The following LMNTD1 variants were observed in gnomAD, a reference collection of about 807,000 sequenced individuals.
LMNTD1 encodes lamin tail domain-containing protein 1.
A neutral mutation model predicts 50.9 loss-of-function variants in LMNTD1; 35 were observed. The observed-to-expected ratio is 0.69, with a 90% CI of 0.53 to 0.91. The LOEUF is 0.91. Ranked by LOEUF, LMNTD1 falls within the 40% of genes least tolerant of loss-of-function variation. The pLI is 0.00. For synonymous variants in LMNTD1, 153 were observed against 161.9 expected (o/e 0.94, Z 0.42); for missense variants, 470 against 475.5 (o/e 0.99, Z 0.11).
At chr12:25,537,416 C>G (rs963703833) in intron 4 of LMNTD1, among the ~76,000 whole-genome samples, 2 of 152,242 alleles carry the variant, frequency 1.3e-5, no homozygotes, top group Non-Finnish European at 2.9e-5. Context: ...TCCCTGACCC[C>G]TGACCCCCAA....
At chr12:25,526,555 A>G (rs767974800) in intron 5 of LMNTD1, among the ~76,000 whole-genome samples, 18 of 152,210 alleles carry the variant, frequency 1.2e-4, no homozygotes, top group African/African-American at 3.1e-4. Flanking sequence ...TATTGTACAC[A>G]AAATTGAAGA....
chr12:25,523,770 TA>T, intron 6 of LMNTD1, among the ~76,000 whole-genome samples: 1 of 146,898 alleles, frequency 6.8e-6, no homozygotes, highest in East Asian at 2.0e-4. Flanking sequence ...AAATAATGCA[TA>T]TGGCTTTACC....
At chr12:25,499,155 T>C (rs1263193934) in intron 9 of LMNTD1, among the ~76,000 whole-genome samples, 1 of 152,180 alleles carries the variant, frequency 6.6e-6, no homozygotes. Context: ...CACTGCAGAC[T>C]TAACCTCCTG....
chr12:25,645,191 C>T (rs1410967298), intron 1 of LMNTD1, among the ~76,000 whole-genome samples: 5 of 152,132 alleles, frequency 3.3e-5, no homozygotes. Context: ...GAGTTGGAGT[C>T]TAGCCAGGTA....
intron 1 of LMNTD1, among the ~76,000 whole-genome samples, chr12:25,591,261 C>T (rs546275338): frequency 6.6e-6 from 1 of 152,100 alleles, no homozygotes; most frequent in Non-Finnish European, 1.5e-5. Context: ...TTCTGAGCCA[C>T]CTGGGAGTGG....
rs941354525 is a variant in LMNTD1 at position 25,590,615 on chromosome 12, C to T, written c.59-44061G>A. On this transcript the variant is annotated intron_variant, in intron 1 of 7. Transcript: ENST00000445693. ...TCAACCCTTCCTTAGCCCCAGGCTG[C>T]ATAGCTTGTGGCTTAAAAACAGACC... Among the ~76,000 whole-genome samples, 3 of 152,284 alleles carry T rather than the reference C, an allele frequency of 2.0e-5. No individual in the cohort carries two copies. The East Asian group carries it at 5.8e-4, about 29-fold the overall frequency.
chr12:25,521,770 T>C (rs1190669740), intron 6 of LMNTD1, among the ~76,000 whole-genome samples: 1 of 152,060 alleles, frequency 6.6e-6, no homozygotes, highest in Non-Finnish European at 1.5e-5. Context: ...GATGGGAAAA[T>C]GGACAGTAGA....
intron 1 of LMNTD1, among the ~76,000 whole-genome samples, chr12:25,579,391 T>C (rs1399130036): frequency 1.3e-5 from 2 of 152,140 alleles, no homozygotes; most frequent in African/African-American, 4.8e-5. Flanking sequence ...GTGGTATGTG[T>C]AGGTTATATG....
chr12:25,479,358 T>C (rs1457031310), intron 9 of LMNTD1, among the ~76,000 whole-genome samples: 1 of 152,196 alleles, frequency 6.6e-6, no homozygotes, highest in African/African-American at 2.4e-5. Context: ...TACCCCTTGA[T>C]TCCTAGCCCT....
intron 4 of LMNTD1, among the ~76,000 whole-genome samples, chr12:25,531,620 G>A (rs1320345090): frequency 6.6e-6 from 1 of 151,610 alleles, no homozygotes; most frequent in Non-Finnish European, 1.5e-5. Context: ...TTTGTTTGCT[G>A]GCTTGTTTTC....
chr12:25,607,730 G>T (rs986709837), intron 1 of LMNTD1, among the ~76,000 whole-genome samples: 6 of 152,056 alleles, frequency 3.9e-5, no homozygotes, highest in Admixed American at 3.9e-4. Context: ...CTTTTACATT[G>T]GCTGAAGAGT....
At chr12:25,594,343 C>T (rs1945786790) in intron 1 of LMNTD1, among the ~76,000 whole-genome samples, 1 of 152,064 alleles carries the variant, frequency 6.6e-6, no homozygotes, top group Non-Finnish European at 1.5e-5. Flanking sequence ...AAGGACAACC[C>T]ATCCAATTAA....
At chr12:25,589,003 T>C (rs1230536610) in intron 1 of LMNTD1, among the ~76,000 whole-genome samples, 1 of 152,170 alleles carries the variant, frequency 6.6e-6, no homozygotes, top group Non-Finnish European at 1.5e-5. Context: ...AGTAAGGGTA[T>C]AGAGGAACAG....
In LMNTD1 at chr12:25,532,618, G is replaced by A. The variant is rs182848924; in HGVS notation, c.492-5663C>T. On this transcript the variant is annotated intron_variant, in intron 4 of 9. Transcript: ENST00000458174. ...TGGGTGTAACCTTCTATGAAATCTC[G>A]TGATATACATTATCAAATTCCCTTC... Among the ~76,000 whole-genome samples, 485 of 152,218 alleles carry A rather than the reference G, an allele frequency of 3.2e-3. 5 individuals carry two copies. The highest frequency in any genetic ancestry group is 0.011 in the African/African-American group (468 of 41,528).
chr12:25,499,203 C>T (rs548250859), intron 9 of LMNTD1, among the ~76,000 whole-genome samples: 10 of 152,242 alleles, frequency 6.6e-5, no homozygotes, highest in African/African-American at 2.4e-4. Flanking sequence ...TCTCAAGTAA[C>T]TGGGACTACA....
chr12:25,492,035 G>A (rs1203716360), intron 9 of LMNTD1, among the ~76,000 whole-genome samples: 1 of 152,176 alleles, frequency 6.6e-6, no homozygotes, highest in African/African-American at 2.4e-5. Flanking sequence ...AAACATTAGA[G>A]TTTACTTTAG....
At chr12:25,536,432 C>T (rs1373535412) in intron 4 of LMNTD1, among the ~76,000 whole-genome samples, 1 of 152,082 alleles carries the variant, frequency 6.6e-6, no homozygotes, top group East Asian at 1.9e-4. Flanking sequence ...TCTGGAAAAT[C>T]ACTGGAACTG....
At chr12:25,480,011 G>C (rs550918586) in intron 9 of LMNTD1, among the ~76,000 whole-genome samples, 19 of 152,338 alleles carry the variant, frequency 1.2e-4, no homozygotes, top group African/African-American at 4.6e-4. Context: ...ATTGGGCAAT[G>C]ACAGGGGTGG....
At position 25,517,258 on chromosome 12, in the gene LMNTD1, A is replaced by G. The variant is rs375043779; in HGVS notation, c.1189+1537T>C. 3.3e-5 allele frequency among the ~76,000 whole-genome samples: 2 copies of G among 60,244 alleles called. 1 individual carries two copies. Among genetic ancestry groups the G allele is most frequent in the South Asian group, 1.2e-3 (2 of 1,638 alleles). The allele number at this position is 60,244 out of a possible 152,430, so 39.5% of individuals were successfully genotyped here. On this transcript the variant is annotated intron_variant, in intron 8 of 9. Coordinates refer to ENST00000458174, the MANE Select transcript of LMNTD1 (RefSeq NM_001145728.2). The stretch of plus-strand genomic sequence containing the variant: ...TGCTGCTATAAAGACACATGCACAC[A>G]TATGTTTATTGCGGCACTATTCACA...
Sources: gnomAD v4.1 joint callset for allele counts (sites outside exome capture counted in the v4.1 genomes callset) on GRCh38, gnomAD v4.1.1 for gene constraint, MANE v1.5 for transcripts, NCBI Gene and HGNC (gene_info 2026-07-23, HGNC 2026-07-21) for gene names.